CCNY: variants seen among roughly 807,000 people sequenced by gnomAD.
CCNY encodes cyclin-Y.
In CCNY, 19 loss-of-function variants were observed where a neutral mutation model predicts 42.8. The ratio of observed to expected loss-of-function variants is 0.44; its 90% CI spans 0.31 to 0.65. The LOEUF (loss-of-function observed/expected upper bound fraction) is 0.65, where lower values mean the gene tolerates loss of function less well. CCNY is among the 30% of genes least tolerant of loss of function. The pLI is 0.07. For synonymous variants in CCNY, 165 were observed against 162.7 expected (o/e 1.01, Z -0.11); for missense variants, 370 against 437.3 (o/e 0.85, Z 1.37).
intron 3 of CCNY, among the ~76,000 whole-genome samples, chr10:35,284,581 C>T (rs987718242): frequency 6.6e-6 from 1 of 152,064 alleles, no homozygotes; most frequent in African/African-American, 2.4e-5. Context: ...TGTTCATTTT[C>T]GCTCTTCTTT....
intron 1 of CCNY, among the ~76,000 whole-genome samples, chr10:35,470,996 C>T (rs1839380704): frequency 6.6e-6 from 1 of 152,174 alleles, no homozygotes; most frequent in African/African-American, 2.4e-5. Flanking sequence ...TCAAATATTG[C>T]TCAAAAGACA....
chr10:35,491,935 TAAAC>T (rs1839906770), intron 2 of CCNY, among the ~76,000 whole-genome samples: 1 of 152,142 alleles, frequency 6.6e-6, no homozygotes, highest in Non-Finnish European at 1.5e-5. Flanking sequence ...TTTTTAAGAA[TAAAC>T]CCATTGCTTG....
chr10:35,466,672 T>G (rs1419471721), intron 1 of CCNY, among the ~76,000 whole-genome samples: 4 of 152,210 alleles, frequency 2.6e-5, no homozygotes, highest in Non-Finnish European at 5.9e-5. Flanking sequence ...ACCTGGCCTC[T>G]GGTGAATGTG....
rs191062172 is a variant in CCNY at position 35,564,090 on chromosome 10, G to A, written c.747-1933G>A. On this transcript the variant is annotated intron_variant, in intron 8 of 9. Transcript: ENST00000374704. ...AGACGAGGTTTCACCCTGTTGGCCA[G>A]GCTGGTCTCAAACTCCTAAACTCAG... Among the ~76,000 whole-genome samples the A allele has an allele frequency of 9.9e-5, 15 of 152,176 alleles. No homozygotes were observed. The East Asian group carries it at 2.9e-3, about 29-fold the overall frequency.
upstream of CCNY, chr10:35,336,415 C>G (rs1186482665): frequency 1.3e-5 from 2 of 151,988 alleles, no homozygotes; most frequent in African/African-American, 2.4e-5. Flanking sequence ...CCGCGGCCGC[C>G]GATCTGCTTC....
At chr10:35,287,207 C>T (rs1011256467) in intron 3 of CCNY, among the ~76,000 whole-genome samples, 1 of 151,940 alleles carries the variant, frequency 6.6e-6, no homozygotes, top group African/African-American at 2.4e-5. Flanking sequence ...CAAATAGAGG[C>T]GTTGTATGTT....
intron 1 of CCNY, among the ~76,000 whole-genome samples, chr10:35,360,193 A>T (rs1346117640): frequency 1.3e-5 from 2 of 152,208 alleles, no homozygotes; most frequent in African/African-American, 2.4e-5. Flanking sequence ...ACTTAATGTT[A>T]ATAGCTGTAT....
intron 3 of CCNY, among the ~76,000 whole-genome samples, chr10:35,502,029 A>G (rs1479276538): frequency 1.3e-5 from 2 of 152,132 alleles, no homozygotes; most frequent in African/African-American, 2.4e-5. Flanking sequence ...ACTTGATAAC[A>G]CTAAATTTAA....
chr10:35,516,334 A>T (rs1196029581), intron 3 of CCNY, among the ~76,000 whole-genome samples, 189 bp from the exon 4 acceptor site: 1 of 151,944 alleles, frequency 6.6e-6, no homozygotes, highest in Non-Finnish European at 1.5e-5. Context: ...TGACTTTTAT[A>T]TATGGAAGAG....
intron 2 of CCNY, among the ~76,000 whole-genome samples, chr10:35,500,511 CCTT>C (rs1187774640): frequency 6.6e-6 from 1 of 152,156 alleles, no homozygotes; most frequent in Non-Finnish European, 1.5e-5. Context: ...AAGGAGAAAA[CCTT>C]CTTCTATCTT....
intron 3 of CCNY, among the ~76,000 whole-genome samples, chr10:35,316,664 T>A (rs1835764205): frequency 6.6e-6 from 1 of 152,226 alleles, no homozygotes; most frequent in East Asian, 1.9e-4. Context: ...AAAAAAAAGT[T>A]TCCAAGCCTC....
chr10:35,471,781 A>T (rs1839396381), intron 1 of CCNY, among the ~76,000 whole-genome samples: 1 of 152,188 alleles, frequency 6.6e-6, no homozygotes, highest in African/African-American at 2.4e-5. Context: ...ATAAACAAAA[A>T]ATAGGCTAAG....
chr10:35,340,095 A>G (rs1467879133), intron 1 of CCNY, among the ~76,000 whole-genome samples: 2 of 152,198 alleles, frequency 1.3e-5, no homozygotes, highest in Non-Finnish European at 2.9e-5. Flanking sequence ...CTTAGAACTC[A>G]CAGTAACCCT....
intron 1 of CCNY, 64 bp from the exon 2 acceptor site, chr10:35,483,340 C>A: frequency 9.3e-7 from 1 of 1,073,258 alleles, no homozygotes; most frequent in South Asian, 1.4e-5. Context: ...ATAATTGAGT[C>A]AATCTTGATT....
chr10:35,546,211 C>T (rs1386219189), intron 7 of CCNY, among the ~76,000 whole-genome samples: 1 of 152,222 alleles, frequency 6.6e-6, no homozygotes, highest in Non-Finnish European at 1.5e-5. Context: ...GGTACAGATT[C>T]AGACAATTAA....
intron 1 of CCNY, among the ~76,000 whole-genome samples, chr10:35,474,750 C>A (rs1839469160): frequency 6.6e-6 from 1 of 152,182 alleles, no homozygotes; most frequent in Non-Finnish European, 1.5e-5. Flanking sequence ...CTCTCCTCCT[C>A]CAAAGGAACG....
At chr10:35,248,905 C>T (rs1471085485) in intron 2 of CCNY, among the ~76,000 whole-genome samples, 2 of 152,080 alleles carry the variant, frequency 1.3e-5, no homozygotes, top group African/African-American at 2.4e-5. Context: ...AGGAAGTGGC[C>T]TGAATTTTAC....
intron 7 of CCNY, among the ~76,000 whole-genome samples, chr10:35,550,253 A>G: frequency 1.3e-5 from 2 of 149,332 alleles, no homozygotes; most frequent in Admixed American, 6.6e-5. Context: ...ACTGTTCATG[A>G]CCCTGTGCTG....
At chr10:35,388,916 A>G (rs1258712222) in intron 1 of CCNY, among the ~76,000 whole-genome samples, 1 of 152,090 alleles carries the variant, frequency 6.6e-6, no homozygotes, top group Non-Finnish European at 1.5e-5. Flanking sequence ...GTGGCCTACC[A>G]TGTCTGGAGT....
Sources: gnomAD v4.1 joint callset for allele counts (sites outside exome capture counted in the v4.1 genomes callset) on GRCh38, gnomAD v4.1.1 for gene constraint, MANE v1.5 for transcripts, NCBI Gene and HGNC (gene_info 2026-07-23, HGNC 2026-07-21) for gene names.